The following CCSER1 variants were observed in gnomAD, a reference collection of about 807,000 sequenced individuals.
CCSER1 encodes serine-rich coiled-coil domain-containing protein 1.
A neutral mutation model predicts 82.0 loss-of-function variants in CCSER1; 41 were observed. The ratio of observed to expected loss-of-function variants is 0.50; its 90% CI spans 0.39 to 0.65. CCSER1 has a LOEUF of 0.65. CCSER1 is among the 30% of genes least tolerant of loss of function. CCSER1 has a pLI of 0.00. For missense variants in CCSER1, 1,119 were observed against 1,064.2 expected, an observed-to-expected ratio of 1.05 and a Z score of -0.72; for synonymous variants, 414 against 383.9, an observed-to-expected ratio of 1.08 and a Z score of -0.92.
intron 10 of CCSER1, among the ~76,000 whole-genome samples, chr4:91,321,433 A>G (rs1746187959): frequency 6.6e-6 from 1 of 152,094 alleles, no homozygotes; most frequent in Non-Finnish European, 1.5e-5. Flanking sequence ...GTTGGGAAGT[A>G]GAAAATTCCA....
chr4:90,632,286 A>G (rs2148937171), intron 6 of CCSER1, among the ~76,000 whole-genome samples: 1 of 152,172 alleles, frequency 6.6e-6, no homozygotes, highest in South Asian at 2.1e-4. Flanking sequence ...TTTTTTTAAA[A>G]GTTATTTTGT....
chr4:90,959,731 T>C (rs1733875257), intron 9 of CCSER1, among the ~76,000 whole-genome samples: 3 of 136,248 alleles, frequency 2.2e-5, no homozygotes, highest in Non-Finnish European at 4.8e-5. Flanking sequence ...AAGTTCTGCC[T>C]CGGGTTTTCT....
chr4:90,142,671 A>C (rs765805878), intron 1 of CCSER1, among the ~76,000 whole-genome samples: 6 of 151,950 alleles, frequency 3.9e-5, no homozygotes, highest in Non-Finnish European at 7.4e-5. Flanking sequence ...TAGCTTTGAA[A>C]GTGCTTATTG....
At chr4:90,831,957 C>G (rs1476668250) in intron 8 of CCSER1, among the ~76,000 whole-genome samples, 1 of 151,798 alleles carries the variant, frequency 6.6e-6, no homozygotes, top group Non-Finnish European at 1.5e-5. Flanking sequence ...ATCTTGCTTT[C>G]TAATAATTGT....
intron 7 of CCSER1, among the ~76,000 whole-genome samples, chr4:90,814,116 A>G (rs1305893691): frequency 3.3e-5 from 5 of 152,146 alleles, no homozygotes; most frequent in Admixed American, 2.6e-4. Context: ...TAAGCCACCA[A>G]TGCTTGGGGC....
intron 10 of CCSER1, among the ~76,000 whole-genome samples, chr4:91,375,692 G>T (rs1750366744): frequency 6.6e-6 from 1 of 151,846 alleles, no homozygotes; most frequent in Admixed American, 6.6e-5. Flanking sequence ...TTTACTTTAG[G>T]CTTAACACCT....
chr4:91,489,235 G>T (rs1758379961), intron 10 of CCSER1, among the ~76,000 whole-genome samples: 1 of 152,136 alleles, frequency 6.6e-6, no homozygotes, highest in African/African-American at 2.4e-5. Flanking sequence ...AGAGGTATTG[G>T]GGTAGAATAT....
chr4:90,462,614 T>C (rs1409662008), intron 4 of CCSER1, among the ~76,000 whole-genome samples: 1 of 152,120 alleles, frequency 6.6e-6, no homozygotes, highest in African/African-American at 2.4e-5. Flanking sequence ...TGTATACCTG[T>C]AGTCCCAGCT....
chr4:91,319,126 A>AT, intron 10 of CCSER1: 6 of 266,980 alleles, frequency 2.2e-5, no homozygotes, highest in Admixed American at 4.8e-5. Flanking sequence ...GCTTCTGGAT[A>AT]ATTTTTTCTA....
At chr4:90,222,254 A>G (rs1254025811) in intron 1 of CCSER1, among the ~76,000 whole-genome samples, 1 of 152,194 alleles carries the variant, frequency 6.6e-6, no homozygotes, top group Non-Finnish European at 1.5e-5. Flanking sequence ...ATTTTAAAAA[A>G]GAGACCTGGA....
At chr4:90,587,127 G>A (rs781550927) in intron 5 of CCSER1, among the ~76,000 whole-genome samples, 3 of 152,120 alleles carry the variant, frequency 2.0e-5, no homozygotes, top group Non-Finnish European at 2.9e-5. Flanking sequence ...AGAAATGTGC[G>A]GAGCATCGAG....
intron 1 of CCSER1, among the ~76,000 whole-genome samples, chr4:90,307,041 G>GT (rs1734405051): frequency 6.6e-6 from 1 of 152,136 alleles, no homozygotes; most frequent in Admixed American, 6.6e-5. Context: ...ACCCTGTAGG[G>GT]TTTTTTATTC....
At chr4:90,380,686 A>G (rs867349825) in intron 3 of CCSER1, among the ~76,000 whole-genome samples, 2 of 152,202 alleles carry the variant, frequency 1.3e-5, no homozygotes, top group Non-Finnish European at 2.9e-5. Flanking sequence ...GGATCTAGCC[A>G]TGCAAAGAAA....
chr4:90,221,467 T>C (rs1035802047), intron 1 of CCSER1, among the ~76,000 whole-genome samples: 1 of 152,102 alleles, frequency 6.6e-6, no homozygotes, highest in East Asian at 1.9e-4. Context: ...TTTTCACACA[T>C]AGGCAGTGCA....
At chr4:90,778,010 T>C (rs1157253809) in intron 7 of CCSER1, among the ~76,000 whole-genome samples, 1 of 151,748 alleles carries the variant, frequency 6.6e-6, no homozygotes, top group Non-Finnish European at 1.5e-5. Context: ...ATAGTGTTCC[T>C]TTTCAAAAAA....
intron 4 of CCSER1, among the ~76,000 whole-genome samples, chr4:90,412,032 C>T (rs1754934342): frequency 1.3e-5 from 2 of 151,830 alleles, no homozygotes; most frequent in Admixed American, 1.3e-4. Context: ...TATTGCGGCA[C>T]TATTCACAAT....
At chr4:90,542,111 T>A (rs1339694275) in intron 5 of CCSER1, among the ~76,000 whole-genome samples, 2 of 152,060 alleles carry the variant, frequency 1.3e-5, no homozygotes, top group African/African-American at 4.8e-5. Context: ...TGTTTGAAAC[T>A]TTGAATTGTG....
At chr4:91,561,088 A>G (rs1359844949) in intron 10 of CCSER1, among the ~76,000 whole-genome samples, 1 of 151,416 alleles carries the variant, frequency 6.6e-6, no homozygotes, top group African/African-American at 2.4e-5. Flanking sequence ...ACCTATAACA[A>G]TAGCCTACTA....
intron 9 of CCSER1, among the ~76,000 whole-genome samples, chr4:91,049,293 T>C (rs1742794324): frequency 6.6e-6 from 1 of 152,172 alleles, no homozygotes; most frequent in Admixed American, 6.6e-5. Context: ...ATAATGCAAC[T>C]AGTTGTATCA....
Sources: gnomAD v4.1 joint callset for allele counts (sites outside exome capture counted in the v4.1 genomes callset) on GRCh38, gnomAD v4.1.1 for gene constraint, MANE v1.5 for transcripts, NCBI Gene and HGNC (gene_info 2026-07-23, HGNC 2026-07-21) for gene names.